PREX1: variants seen among roughly 807,000 people sequenced by gnomAD.
The protein encoded by PREX1 is phosphatidylinositol-3,4,5-trisphosphate dependent Rac exchange factor 1, also known as phosphatidylinositol 3,4,5-trisphosphate-dependent Rac exchanger 1 protein.
A neutral mutation model predicts 198.3 loss-of-function variants in PREX1; 41 were observed. That is an observed-to-expected ratio of 0.21 (90% CI 0.16 to 0.27). The LOEUF is 0.27. PREX1 is among the 10% of genes least tolerant of loss of function. The probability of loss-of-function intolerance (pLI) is 1.00; values close to 1 mark genes in which losing one functional copy is unlikely to be tolerated. For synonymous variants in PREX1, 843 were observed against 887.2 expected (o/e 0.95, Z 0.89); for missense variants, 1,620 against 2,200.7 (o/e 0.74, Z 5.28).
At chr20:48,671,287 C>G (rs902178965) in intron 14 of PREX1, among the ~76,000 whole-genome samples, 2 of 152,216 alleles carry the variant, frequency 1.3e-5, no homozygotes, top group African/African-American at 4.8e-5. Flanking sequence ...AACAGGACAG[C>G]CTTTGGCCAT....
intron 27 of PREX1, among the ~76,000 whole-genome samples, chr20:48,643,026 G>A (rs2089425874): frequency 6.6e-6 from 1 of 152,220 alleles, no homozygotes; most frequent in Non-Finnish European, 1.5e-5. Flanking sequence ...AGACTGCAGT[G>A]ACAGTGGGAA....
At chr20:48,819,821 C>T (rs760143288) in intron 1 of PREX1, among the ~76,000 whole-genome samples, 2 of 152,246 alleles carry the variant, frequency 1.3e-5, no homozygotes, top group Non-Finnish European at 2.9e-5. Flanking sequence ...GTGCCTGGCA[C>T]ACAGTGGGTG....
intron 2 of PREX1, among the ~76,000 whole-genome samples, chr20:48,746,991 CA>C (rs1739705378): frequency 3.0e-4 from 33 of 108,686 alleles, no homozygotes; most frequent in East Asian, 2.0e-3. Context: ...CACACACACA[CA>C]CACACACACA....
At chr20:48,726,692 G>A (rs1366271000) in intron 4 of PREX1, among the ~76,000 whole-genome samples, 2 of 152,156 alleles carry the variant, frequency 1.3e-5, no homozygotes, top group Non-Finnish European at 2.9e-5. Context: ...AGGCCATATA[G>A]TGGCAAAACT....
chr20:48,830,373 G>T (rs2090534656), upstream of PREX1, among the ~76,000 whole-genome samples: 1 of 152,110 alleles, frequency 6.6e-6, no homozygotes, highest in African/African-American at 2.4e-5. Context: ...AAAATAAACA[G>T]AAAAAGTGTC....
At chr20:48,842,935 G>T in the PREX1 span, among the ~76,000 whole-genome samples, 1 of 152,038 alleles carries the variant, frequency 6.6e-6, no homozygotes, top group African/African-American at 2.4e-5. Context: ...CATCTATTTT[G>T]CTCATTGCTG....
chr20:48,639,102 G>A (rs2089388534), intron 30 of PREX1, among the ~76,000 whole-genome samples: 1 of 152,260 alleles, frequency 6.6e-6, no homozygotes, highest in African/African-American at 2.4e-5. Context: ...GCCGGCAAGG[G>A]CCAGGCAGGT....
At chr20:48,680,846 C>T (rs374189992) in intron 11 of PREX1, among the ~76,000 whole-genome samples, 2 of 152,042 alleles carry the variant, frequency 1.3e-5, no homozygotes, top group African/African-American at 4.8e-5. Context: ...AAGATCTTAT[C>T]GTCCCCTCCA....
chr20:48,751,922 A>C (rs1392978543), intron 1 of PREX1, among the ~76,000 whole-genome samples: 1 of 152,204 alleles, frequency 6.6e-6, no homozygotes, highest in African/African-American at 2.4e-5. Context: ...GCAAATCTTA[A>C]TACTACACCG....
intron 25 of PREX1, among the ~76,000 whole-genome samples, chr20:48,647,943 T>C (rs2089463461): frequency 6.6e-6 from 1 of 152,206 alleles, no homozygotes; most frequent in African/African-American, 2.4e-5. Context: ...TCTCGTTCTT[T>C]CACCCAGGCT....
intron 17 of PREX1, 29 bp from the exon 18 acceptor site, chr20:48,657,217 G>A (rs760774157): frequency 6.2e-7 from 1 of 1,609,880 alleles, no homozygotes; most frequent in South Asian, 1.1e-5. Context: ...GGACAGACGT[G>A]CACACCAGTT....
chr20:48,870,642 A>C, the PREX1 span, among the ~76,000 whole-genome samples: 1 of 152,194 alleles, frequency 6.6e-6, no homozygotes, highest in African/African-American at 2.4e-5. Flanking sequence ...GTTGTGTAAC[A>C]ACCAACCGTA....
rs149010895 is a variant in PREX1, at chr20:48,747,168, G to C, written c.291+641C>G. ...TTTGGGGGGAATGTCTTCTATGACC[G>C]AGTCCTTTGTGTGCTGTAAATACTG... On this transcript the variant is annotated intron_variant, in intron 2 of 39. Coordinates refer to ENST00000371941, the MANE Select transcript of PREX1 (RefSeq NM_020820.4). Among the ~76,000 whole-genome samples the C allele has an allele frequency of 4.4e-3, 664 of 152,314 alleles. 18 individuals are homozygous for C. Among genetic ancestry groups the C allele is most frequent in the Admixed American group, 0.041 (621 of 15,306 alleles).
At chr20:48,754,581 C>T (rs959551532) in intron 1 of PREX1, among the ~76,000 whole-genome samples, 1 of 151,766 alleles carries the variant, frequency 6.6e-6, no homozygotes, top group South Asian at 2.1e-4. Context: ...ACCTGATCTG[C>T]TTGGGGAGGG....
At chr20:48,882,931 CTT>C in the PREX1 span, among the ~76,000 whole-genome samples, 21 of 123,650 alleles carry the variant, frequency 1.7e-4, no homozygotes, top group Middle Eastern at 8.5e-3. Flanking sequence ...TTGGGTTGTC[CTT>C]TTTTTTTTTT....
At chr20:48,835,546 A>G in the PREX1 span, among the ~76,000 whole-genome samples, 2 of 152,210 alleles carry the variant, frequency 1.3e-5, no homozygotes, top group African/African-American at 4.8e-5. Flanking sequence ...CATTTAAGCA[A>G]AGAACTGAAA....
At chr20:48,878,927 G>C in the PREX1 span, among the ~76,000 whole-genome samples, 5,145 of 152,232 alleles carry the variant, frequency 0.034, 312 homozygotes, top group African/African-American at 0.12. Flanking sequence ...AAGTATTGAG[G>C]CTCCCAAGCC....
chr20:48,706,785 C>T (rs6012515), intron 6 of PREX1, among the ~76,000 whole-genome samples: 50,228 of 152,146 alleles, frequency 0.33, 11,848 homozygotes, highest in African/African-American at 0.67. Flanking sequence ...AACCAAGCCA[C>T]GTACTTTTAA....
At position 48,724,972 on chromosome 20, in the gene PREX1, G is replaced by A. The variant is rs566284985; in HGVS notation, c.621+1318C>T. On this transcript the variant is annotated intron_variant, in intron 5 of 39. Coordinates refer to ENST00000371941, the MANE Select transcript of PREX1 (RefSeq NM_020820.4). ...AGTTCCTTTCGAGATTGCTGGGAGA[G>A]ATCAACAGCAGGAGCAGACCAGAGG... is the stretch of plus-strand genomic sequence containing the variant. Among the ~76,000 whole-genome samples the A allele has an allele frequency of 5.9e-4, 90 of 152,322 alleles. No individual in the cohort carries two copies. In the South Asian group the frequency reaches 0.017, roughly 28 times the overall value.
Sources: allele counts gnomAD v4.1 joint callset (sites outside exome capture counted in the v4.1 genomes callset), GRCh38; gene constraint gnomAD v4.1.1; transcripts MANE v1.5; gene names NCBI Gene and HGNC (gene_info 2026-07-23, HGNC 2026-07-21).